Variants in TMCO5A observed in about 807,000 individuals in gnomAD.
TMCO5A encodes transmembrane and coiled-coil domain-containing protein 5A.
Under a neutral mutation model 42.3 loss-of-function variants are expected in TMCO5A, and 34 were observed. The observed-to-expected ratio is 0.80, with a 90% CI of 0.61 to 1.07. TMCO5A has a LOEUF of 1.07. Among genes scored for constraint, TMCO5A ranks in the 50% least tolerant of loss-of-function variants. The probability of loss-of-function intolerance (pLI) is 0.00; values close to 1 mark genes in which losing one functional copy is unlikely to be tolerated. For synonymous variants in TMCO5A, 131 were observed against 115.6 expected, an observed-to-expected ratio of 1.13 and a Z score of -0.86; for missense variants, 357 against 327.9, an observed-to-expected ratio of 1.09 and a Z score of -0.69.
chr15:38,018,009 C>A, the TMCO5A span, among the ~76,000 whole-genome samples: 6 of 152,184 alleles, frequency 3.9e-5, no homozygotes. Context: ...TTTGCCACAA[C>A]TGTAAGTTTC....
chr15:37,949,034 G>A (rs1839159386), intron 11 of TMCO5A, among the ~76,000 whole-genome samples: 1 of 151,908 alleles, frequency 6.6e-6, no homozygotes, highest in South Asian at 2.1e-4. Flanking sequence ...TTGTCCTGGG[G>A]CAGAGGCATC....
chr15:38,029,316 G>C, the TMCO5A span, among the ~76,000 whole-genome samples: 1 of 147,778 alleles, frequency 6.8e-6, no homozygotes, highest in Non-Finnish European at 1.5e-5. Flanking sequence ...ACAAATACAG[G>C]CACACATACA....
At chr15:38,012,303 G>A in the TMCO5A span, among the ~76,000 whole-genome samples, 1 of 152,108 alleles carries the variant, frequency 6.6e-6, no homozygotes, top group Non-Finnish European at 1.5e-5. Flanking sequence ...TCCATGGCTA[G>A]CCTTCAAAAC....
chr15:37,974,204 A>G, the TMCO5A span, among the ~76,000 whole-genome samples: 4 of 152,164 alleles, frequency 2.6e-5, no homozygotes. Context: ...TTTATCGAGA[A>G]TATTCTCCTG....
At chr15:37,942,721 G>A (rs944949359) in intron 9 of TMCO5A, 1 of 160,242 alleles carries the variant, frequency 6.2e-6, no homozygotes, top group Non-Finnish European at 1.4e-5. Flanking sequence ...ATATAAATCA[G>A]AACTGTACAC....
chr15:38,039,777 G>T, the TMCO5A span, among the ~76,000 whole-genome samples: 1 of 138,882 alleles, frequency 7.2e-6, no homozygotes, highest in Admixed American at 7.4e-5. Context: ...TCTTAATGTT[G>T]CATAACAAAT....
Position 37,936,741 on chromosome 15 carries a change from AT to A in TMCO5A, c.141-104del, listed in dbSNP as rs1595583854. On this transcript the variant is annotated intron_variant, in intron 3 of 11. Transcript: ENST00000319669. ...AGTAAGGAAGAGTTTTCAGCTTGAG[AT>A]TCATGTACACTGTCCCTGAAGTTCC... is the stretch of plus-strand genomic sequence containing the variant. The A allele has an allele frequency of 4.8e-6, 7 of 1,463,880 alleles. No homozygotes were observed. In the East Asian group the frequency reaches 1.7e-4, roughly 35 times the overall value. The allele number at this position is 1,463,880 out of a possible 1,614,324, so 90.7% of individuals were successfully genotyped here.
At position 37,943,399 on chromosome 15, in the gene TMCO5A, G is replaced by T; in HGVS notation, c.627+1G>T. 1 of 1,612,084 alleles carries T rather than the reference G, an allele frequency of 6.2e-7. No individual in the cohort carries two copies. The highest frequency in any genetic ancestry group is 1.1e-5 in the South Asian group (1 of 91,012). On this transcript the variant is annotated splice_donor_variant, in intron 10 of 11. Transcript: ENST00000319669. LOFTEE classifies it high-confidence loss of function. ...AGAGCATACCAGCCAAAATAATGAG[G>T]TAAACACTCCATTCTCTCTTCAGCT...
At chr15:37,971,930 T>C (rs1890681067), downstream of TMCO5A, among the ~76,000 whole-genome samples, 1 of 152,226 alleles carries the variant, frequency 6.6e-6, no homozygotes, top group Non-Finnish European at 1.5e-5. Flanking sequence ...CCCCACATTT[T>C]CCTGTCTTCT....
At chr15:38,019,905 T>C in the TMCO5A span, among the ~76,000 whole-genome samples, 1 of 152,014 alleles carries the variant, frequency 6.6e-6, no homozygotes, top group Non-Finnish European at 1.5e-5. Flanking sequence ...TGAGCCACCA[T>C]GCCCAGCTGT....
chr15:38,032,633 G>T, the TMCO5A span, among the ~76,000 whole-genome samples: 1 of 152,116 alleles, frequency 6.6e-6, no homozygotes, highest in Non-Finnish European at 1.5e-5. Context: ...ATGTTCCCAT[G>T]AGTGTCCCAG....
downstream of TMCO5A, among the ~76,000 whole-genome samples, chr15:37,971,171 C>T (rs1357557997): frequency 6.6e-6 from 1 of 152,248 alleles, no homozygotes. Flanking sequence ...CATTTCCATA[C>T]AACCTCTGAA....
chr15:37,992,434 G>A, the TMCO5A span, among the ~76,000 whole-genome samples: 2 of 152,140 alleles, frequency 1.3e-5, no homozygotes, highest in East Asian at 1.9e-4. Flanking sequence ...GGAAAGCAGA[G>A]TGGTGATTCC....
downstream of TMCO5A, among the ~76,000 whole-genome samples, chr15:37,955,079 A>C (rs1291893194): frequency 6.6e-6 from 1 of 152,040 alleles, no homozygotes; most frequent in Non-Finnish European, 1.5e-5. Context: ...AAATGGCAGA[A>C]GTAATTTTTT....
chr15:37,938,260 T>C lies in TMCO5A; in HGVS notation c.387+31T>C, dbSNP rs775016230. 4 of 1,527,250 alleles carry C rather than the reference T, an allele frequency of 2.6e-6. No homozygotes were observed. The South Asian group carries it at 3.6e-5, about 14-fold the overall frequency. 94.6% of individuals were successfully genotyped at this position (1,527,250 alleles called of 1,614,324 possible). A position where few individuals can be genotyped will look rare whatever the true frequency, so the allele number is the denominator to read the frequency against. On this transcript the variant is annotated intron_variant, in intron 6 of 11. Transcript: ENST00000319669. Reference sequence around the variant, plus strand: ...TGAAAAAAACAATCCTAAATGTGGTTGGGCTATGTAACCAGGAAACAAGCT... The same window carrying C: ...TGAAAAAAACAATCCTAAATGTGGTCGGGCTATGTAACCAGGAAACAAGCT...
chr15:38,026,275 G>A, the TMCO5A span, among the ~76,000 whole-genome samples: 1 of 152,134 alleles, frequency 6.6e-6, no homozygotes. Flanking sequence ...GGACAATAAG[G>A]TCCAGGCTGA....
chr15:38,010,493 T>C, the TMCO5A span, among the ~76,000 whole-genome samples: 1 of 143,480 alleles, frequency 7.0e-6, no homozygotes, highest in African/African-American at 2.7e-5. Flanking sequence ...TAGACAGAGA[T>C]TTAAAAGTGC....
the TMCO5A span, chr15:38,024,872 A>G: frequency 1.3e-5 from 2 of 152,312 alleles, no homozygotes; most frequent in African/African-American, 4.8e-5. Flanking sequence ...TAGTATGGGA[A>G]GGACAGCTTT....
chr15:38,012,846 G>T, the TMCO5A span, among the ~76,000 whole-genome samples: 4 of 152,044 alleles, frequency 2.6e-5, no homozygotes, highest in African/African-American at 4.8e-5. Flanking sequence ...TTAATGTAAA[G>T]AATTATTAAT....
Sources: gnomAD v4.1 joint callset for allele counts (sites outside exome capture counted in the v4.1 genomes callset) on GRCh38, gnomAD v4.1.1 for gene constraint, MANE v1.5 for transcripts, NCBI Gene and HGNC (gene_info 2026-07-23, HGNC 2026-07-21) for gene names.